Variants in ARHGAP40 observed in about 807,000 individuals in gnomAD.
The protein encoded by ARHGAP40 is rho GTPase-activating protein 40.
A neutral mutation model predicts 73.5 loss-of-function variants in ARHGAP40; 43 were observed. The observed-to-expected ratio is 0.58, with a 90% CI of 0.46 to 0.75. The LOEUF is 0.75. Ranked by LOEUF, ARHGAP40 falls within the 30% of genes least tolerant of loss-of-function variation. The pLI is 0.00. For synonymous variants in ARHGAP40, 300 were observed against 352.8 expected (o/e 0.85, Z 1.68); for missense variants, 734 against 861.8 (o/e 0.85, Z 1.86).
At chr20:38,622,255 T>C (rs1034288790) in intron 1 of ARHGAP40, among the ~76,000 whole-genome samples, 4 of 152,200 alleles carry the variant, frequency 2.6e-5, no homozygotes, top group Non-Finnish European at 5.9e-5. Flanking sequence ...TAAATATCTA[T>C]AGAACTTGCA....
intron 1 of ARHGAP40, among the ~76,000 whole-genome samples, chr20:38,621,497 T>C (rs1601138647): frequency 6.6e-6 from 1 of 152,268 alleles, no homozygotes; most frequent in African/African-American, 2.4e-5. Flanking sequence ...GGGACTCTTG[T>C]GGGGCTGGTG....
At chr20:38,635,649 A>G (rs2088970328) in intron 6 of ARHGAP40, among the ~76,000 whole-genome samples, 1 of 152,104 alleles carries the variant, frequency 6.6e-6, no homozygotes, top group South Asian at 2.1e-4. Flanking sequence ...GGTGACAGAG[A>G]CAGACTCTGT....
chr20:38,642,343 T>A (rs1482265559), intron 10 of ARHGAP40, among the ~76,000 whole-genome samples: 1 of 152,228 alleles, frequency 6.6e-6, no homozygotes, highest in Non-Finnish European at 1.5e-5. Context: ...CAGCTCCCTG[T>A]ACCGTCTTGA....
chr20:38,604,088 T>C (rs1286051787), intron 1 of ARHGAP40, among the ~76,000 whole-genome samples: 1 of 152,200 alleles, frequency 6.6e-6, no homozygotes, highest in Non-Finnish European at 1.5e-5. Flanking sequence ...GGAGCTGTTA[T>C]TCAGCTGATC....
In ARHGAP40 at chr20:38,648,716, A is replaced by T; in HGVS notation, c.1936+18A>T. The T allele has an allele frequency of 1.5e-6, 2 of 1,305,208 alleles. No individual in the cohort carries two copies. Among genetic ancestry groups the T allele is most frequent in the Non-Finnish European group, 2.0e-6 (2 of 988,756 alleles). The allele number at this position is 1,305,208 out of a possible 1,614,324, so 80.9% of individuals were successfully genotyped here. A position where few individuals can be genotyped will look rare whatever the true frequency, so the allele number is the denominator to read the frequency against. Reference sequence around the variant, plus strand: ...GAATATCAGTAAGTTCCACTGTGGGAAACAGGAACAGAGCCCGGGTCCCTG... The same window carrying T: ...GAATATCAGTAAGTTCCACTGTGGGTAACAGGAACAGAGCCCGGGTCCCTG... On this transcript the variant is annotated intron_variant, in intron 14 of 14. Transcript: ENST00000373345.
chr20:38,637,553 C>T (rs1382308721), intron 6 of ARHGAP40, among the ~76,000 whole-genome samples, 155 bp from the exon 7 acceptor site: 1 of 152,122 alleles, frequency 6.6e-6, no homozygotes, highest in Non-Finnish European at 1.5e-5. Flanking sequence ...ATGTTCTGCT[C>T]AAGAGGAGCG....
chr20:38,645,809 T>C (rs1327032980), intron 11 of ARHGAP40, among the ~76,000 whole-genome samples: 1 of 152,164 alleles, frequency 6.6e-6, no homozygotes, highest in African/African-American at 2.4e-5. Context: ...CACTATCCAC[T>C]AAGCCTCAGG....
At chr20:38,628,625 G>T (rs1322273176) in intron 3 of ARHGAP40, among the ~76,000 whole-genome samples, 5 of 152,148 alleles carry the variant, frequency 3.3e-5, no homozygotes, top group African/African-American at 9.7e-5. Flanking sequence ...CTTTTTTATT[G>T]TCACTGTGTA....
chr20:38,625,269 A>G (rs1297081145), intron 2 of ARHGAP40, among the ~76,000 whole-genome samples: 1 of 152,222 alleles, frequency 6.6e-6, no homozygotes. Flanking sequence ...ATTTCCCACA[A>G]TACACAGGGA....
At chr20:38,607,830 T>C (rs2145592461) in intron 1 of ARHGAP40, among the ~76,000 whole-genome samples, 1 of 152,358 alleles carries the variant, frequency 6.6e-6, no homozygotes, top group South Asian at 2.1e-4. Flanking sequence ...ATTGCCCTGA[T>C]TACTTGCGAG....
chr20:38,613,188 G>C (rs1324717673), intron 1 of ARHGAP40, among the ~76,000 whole-genome samples: 1 of 152,160 alleles, frequency 6.6e-6, no homozygotes, highest in Non-Finnish European at 1.5e-5. Context: ...GGACGTGGTG[G>C]GGGGATGCAG....
intron 1 of ARHGAP40, among the ~76,000 whole-genome samples, chr20:38,619,215 G>A (rs140095733): frequency 4.6e-5 from 7 of 152,252 alleles, no homozygotes; most frequent in Non-Finnish European, 7.4e-5. Flanking sequence ...CAATGCCTTC[G>A]TAAGGCATTT....
At chr20:38,606,846 A>G (rs1388523007) in intron 1 of ARHGAP40, among the ~76,000 whole-genome samples, 2 of 152,208 alleles carry the variant, frequency 1.3e-5, no homozygotes, top group African/African-American at 4.8e-5. Context: ...TGTGAACGCA[A>G]CCACTGAATA....
intron 9 of ARHGAP40, 128 bp downstream of exon 9, chr20:38,639,514 C>T: frequency 1.8e-6 from 2 of 1,096,570 alleles, no homozygotes; most frequent in Non-Finnish European, 2.4e-6. Context: ...AAATGTCCAA[C>T]TGATGGGGGA....
At chr20:38,622,981 C>T (rs2088880819) in intron 1 of ARHGAP40, among the ~76,000 whole-genome samples, 1 of 152,126 alleles carries the variant, frequency 6.6e-6, no homozygotes, top group Non-Finnish European at 1.5e-5. Flanking sequence ...AGACAGGAGA[C>T]TTTCTGGGTA....
intron 9 of ARHGAP40, among the ~76,000 whole-genome samples, chr20:38,641,076 G>C (rs2145612900): frequency 6.6e-6 from 1 of 151,056 alleles, no homozygotes; most frequent in South Asian, 2.1e-4. Flanking sequence ...AGGAAAGAAG[G>C]GAAGGAGGGA....
chr20:38,609,209 C>T (rs2088790906), intron 1 of ARHGAP40, among the ~76,000 whole-genome samples: 1 of 152,152 alleles, frequency 6.6e-6, no homozygotes, highest in Non-Finnish European at 1.5e-5. Context: ...TTCCAAACTT[C>T]AGTCCCCTGC....
chr20:38,613,212 A>G (rs1262303471), intron 1 of ARHGAP40, among the ~76,000 whole-genome samples: 3 of 152,166 alleles, frequency 2.0e-5, no homozygotes, highest in African/African-American at 2.4e-5. Flanking sequence ...GCTATCTCAG[A>G]TGGAGATTGG....
intron 1 of ARHGAP40, among the ~76,000 whole-genome samples, chr20:38,608,128 T>C (rs1408318916): frequency 6.6e-6 from 1 of 152,234 alleles, no homozygotes; most frequent in Non-Finnish European, 1.5e-5. Flanking sequence ...GGCTTCTGGA[T>C]TTTAATTTGT....
Sources: gnomAD v4.1 joint callset for allele counts (sites outside exome capture counted in the v4.1 genomes callset) on GRCh38, gnomAD v4.1.1 for gene constraint, MANE v1.5 for transcripts, NCBI Gene and HGNC (gene_info 2026-07-23, HGNC 2026-07-21) for gene names.